Variants in GVQW3 observed in about 807,000 individuals in gnomAD.
GVQW3 encodes protein GVQW3.
Under a neutral mutation model 12.5 loss-of-function variants are expected in GVQW3, and 7 were observed. That is an observed-to-expected ratio of 0.56 (90% CI 0.32 to 1.05). The LOEUF (loss-of-function observed/expected upper bound fraction) is 1.05. GVQW3 is among the 50% of genes least tolerant of loss of function. The pLI is 0.04. For synonymous variants in GVQW3, 71 were observed against 67.2 expected (o/e 1.06, Z -0.28); for missense variants, 188 against 190.8 (o/e 0.99, Z 0.09).
intron 1 of GVQW3, among the ~76,000 whole-genome samples, chr11:76,394,023 C>T (rs1349455290): frequency 6.6e-6 from 1 of 152,062 alleles, no homozygotes; most frequent in East Asian, 1.9e-4. Flanking sequence ...TTCAGCCTCC[C>T]GAGTAGCTGG....
At chr11:76,394,407 T>C (rs1375807458) in intron 1 of GVQW3, among the ~76,000 whole-genome samples, 1 of 151,764 alleles carries the variant, frequency 6.6e-6, no homozygotes, top group African/African-American at 2.4e-5. Context: ...TTTATTTTAA[T>C]TGTAGCTCCC....
At chr11:76,400,369 C>T (rs916913685) in intron 1 of GVQW3, among the ~76,000 whole-genome samples, 2 of 151,984 alleles carry the variant, frequency 1.3e-5, no homozygotes, top group African/African-American at 4.8e-5. Context: ...CTGCCTCAGC[C>T]TCCCAAAGTG....
At chr11:76,412,898 A>C (rs950882213), downstream of GVQW3, 4 of 152,202 alleles carry the variant, frequency 2.6e-5, no homozygotes, top group Non-Finnish European at 5.9e-5. Context: ...CCCCTCATCC[A>C]AAAGAAGCTA....
rs949966737 is a variant in GVQW3, at chr11:76,401,315, T to C, written c.466-2345T>C. Reference sequence around the variant, plus strand: ...TTGATCTTTTTTTTCCTCATGTGATTTGTTACTTTCTGAGAGTATTTTCCT... The same window carrying C: ...TTGATCTTTTTTTTCCTCATGTGATCTGTTACTTTCTGAGAGTATTTTCCT... On this transcript the variant is annotated intron_variant, in intron 1 of 1. Transcript: ENST00000529331. Among the ~76,000 whole-genome samples the C allele has an allele frequency of 5.3e-4, 81 of 152,162 alleles. 1 individual carries two copies. The highest frequency in any genetic ancestry group is 1.9e-3 in the African/African-American group (79 of 41,450).
chr11:76,403,209 G>A (rs771876772), intron 1 of GVQW3, among the ~76,000 whole-genome samples: 1 of 152,122 alleles, frequency 6.6e-6, no homozygotes, highest in Non-Finnish European at 1.5e-5. Context: ...GCCTCCCAAA[G>A]TGCTGGGATT....
intron 1 of GVQW3, among the ~76,000 whole-genome samples, chr11:76,398,404 A>G (rs1425486980): frequency 6.6e-6 from 1 of 152,118 alleles, no homozygotes; most frequent in East Asian, 1.9e-4. Context: ...CTCTGCCTCC[A>G]GGGCTTAAGT....
chr11:76,384,963 A>T (rs1359419339), intron 1 of GVQW3, among the ~76,000 whole-genome samples: 2 of 152,146 alleles, frequency 1.3e-5, no homozygotes, highest in African/African-American at 4.8e-5. Flanking sequence ...AGGATCCCAC[A>T]ACCATACCTA....
intron 1 of GVQW3, among the ~76,000 whole-genome samples, chr11:76,393,818 AG>A (rs942662246): frequency 1.3e-5 from 2 of 152,162 alleles, no homozygotes; most frequent in African/African-American, 4.8e-5. Flanking sequence ...CAATCACATC[AG>A]GGTAAATGGG....
intron 1 of GVQW3, chr11:76,390,079 G>C (rs1269550004): frequency 6.6e-6 from 1 of 152,190 alleles, no homozygotes; most frequent in Non-Finnish European, 1.5e-5. Context: ...GTTATGTTGG[G>C]AAAATGTGTA....
chr11:76,395,750 G>A (rs950582786), intron 1 of GVQW3, among the ~76,000 whole-genome samples: 5 of 152,098 alleles, frequency 3.3e-5, no homozygotes, highest in African/African-American at 1.2e-4. Context: ...TTAGGTTATT[G>A]ATCACATGGA....
At chr11:76,386,331 A>C (rs1946833053) in intron 1 of GVQW3, among the ~76,000 whole-genome samples, 1 of 152,228 alleles carries the variant, frequency 6.6e-6, no homozygotes, top group Non-Finnish European at 1.5e-5. Context: ...AAACATGTGG[A>C]GGGTTCTGCC....
At chr11:76,402,264 A>AT (rs1327479457) in intron 1 of GVQW3, among the ~76,000 whole-genome samples, 4 of 152,078 alleles carry the variant, frequency 2.6e-5, no homozygotes, top group Non-Finnish European at 5.9e-5. Context: ...AAAAAATAAC[A>AT]TTTTTAGGCT....
chr11:76,405,800 C>G lies in GVQW3; in HGVS notation c.*2042C>G, dbSNP rs73491687. 6.6e-6 allele frequency: 1 copy of G among 151,988 alleles called. No homozygotes were observed. Among genetic ancestry groups the G allele is most frequent in the Non-Finnish European group, 1.5e-5 (1 of 68,054 alleles). 9.4% of individuals were successfully genotyped at this position (151,988 alleles called of 1,614,324 possible). On this transcript the variant is annotated 3_prime_UTR_variant, in exon 2 of 2. Coordinates refer to ENST00000529331, the MANE Select transcript of GVQW3 (RefSeq NM_001347885.2). ...TTCCAAGTAGCTAGGACAACAGGTGCGTGCTACCATGCATGGCTAATTAAT... is the reference window on the plus strand; with the variant it reads ...TTCCAAGTAGCTAGGACAACAGGTGGGTGCTACCATGCATGGCTAATTAAT...
chr11:76,387,519 C>A (rs1323522233), intron 1 of GVQW3, among the ~76,000 whole-genome samples: 1 of 152,128 alleles, frequency 6.6e-6, no homozygotes, highest in Non-Finnish European at 1.5e-5. Flanking sequence ...TTGATATAAC[C>A]CCCAGTCTAG....
At chr11:76,401,773 C>CAA (rs5792720) in intron 1 of GVQW3, among the ~76,000 whole-genome samples, 6,094 of 88,674 alleles carry the variant, frequency 0.069, 269 homozygotes, top group East Asian at 0.18. Flanking sequence ...AACTCTGTCT[C>CAA]AAAAAAAAAA....
downstream of GVQW3, among the ~76,000 whole-genome samples, chr11:76,409,472 A>G (rs1947067722): frequency 6.6e-6 from 1 of 152,226 alleles, no homozygotes; most frequent in Non-Finnish European, 1.5e-5. Context: ...GGCCTTGTGC[A>G]TGGAAAATGC....
At position 76,403,875 on chromosome 11, in the gene GVQW3, C is replaced by T; in HGVS notation, c.*117C>T. The T allele has an allele frequency of 4.3e-6, 3 of 700,612 alleles. No individual in the cohort carries two copies. The highest frequency in any genetic ancestry group is 2.6e-6 in the Non-Finnish European group (1 of 383,604). The allele number at this position is 700,612 out of a possible 1,614,324, so 43.4% of individuals were successfully genotyped here. On this transcript the variant is annotated 3_prime_UTR_variant, in exon 2 of 2. Coordinates refer to ENST00000529331, the MANE Select transcript of GVQW3 (RefSeq NM_001347885.2). ...GCAGGAGAAGATGGATGTCACAGCT[C>T]AAGAAGCGAGAACAAATTTGCCCTT...
chr11:76,384,860 T>C (rs1946816966), intron 1 of GVQW3, among the ~76,000 whole-genome samples: 1 of 152,200 alleles, frequency 6.6e-6, no homozygotes, highest in South Asian at 2.1e-4. Context: ...CACCACTAGT[T>C]CTTGCAGCTT....
chr11:76,381,593 C>G lies in GVQW3; in HGVS notation c.-236C>G. On this transcript the variant is annotated 5_prime_UTR_variant, in exon 1 of 2. Coordinates refer to ENST00000529331, the MANE Select transcript of GVQW3 (RefSeq NM_001347885.2). ...GGTTTGATGCAGACGTGGTTGTAGGCGATTTAATTTTTCCCAGCTTTGCAG... is the reference window on the plus strand; with the variant it reads ...GGTTTGATGCAGACGTGGTTGTAGGGGATTTAATTTTTCCCAGCTTTGCAG... The G allele has an allele frequency of 2.2e-6, 1 of 462,780 alleles. No individual in the cohort carries two copies. The highest frequency in any genetic ancestry group is 3.6e-5 in the South Asian group (1 of 28,124). The allele number at this position is 462,780 out of a possible 1,614,324, so 28.7% of individuals were successfully genotyped here.
Sources: gnomAD v4.1 joint callset for allele counts (sites outside exome capture counted in the v4.1 genomes callset) on GRCh38, gnomAD v4.1.1 for gene constraint, MANE v1.5 for transcripts, NCBI Gene and HGNC (gene_info 2026-07-23, HGNC 2026-07-21) for gene names.